Variants in CERS3 observed in about 807,000 individuals in gnomAD.
CERS3 encodes the protein LAG1 homolog, ceramide synthase 3.
Under a neutral mutation model 50.3 loss-of-function variants are expected in CERS3, and 33 were observed. The observed-to-expected ratio is 0.66, with a 90% CI of 0.50 to 0.88. The LOEUF (loss-of-function observed/expected upper bound fraction) is 0.88, where lower values mean the gene tolerates loss of function less well. Among genes scored for constraint, CERS3 ranks in the 40% least tolerant of loss-of-function variants. CERS3 has a pLI of 0.00. For synonymous variants in CERS3, 176 were observed against 155.2 expected (o/e 1.13, Z -0.99); for missense variants, 470 against 460.3 (o/e 1.02, Z -0.19).
At chr15:100,506,490 C>G (rs1350563124) in intron 2 of CERS3, among the ~76,000 whole-genome samples, 1 of 134,586 alleles carries the variant, frequency 7.4e-6, no homozygotes, top group East Asian at 2.3e-4. Context: ...CACACACACA[C>G]CAGACATTGT....
chr15:100,462,465 T>C (rs1253054678), intron 10 of CERS3, among the ~76,000 whole-genome samples: 1 of 152,236 alleles, frequency 6.6e-6, no homozygotes, highest in African/African-American at 2.4e-5. Context: ...CCTTTTAGGA[T>C]AGCAAATACT....
chr15:100,422,770 T>C (rs1328081404), intron 11 of CERS3, among the ~76,000 whole-genome samples: 1 of 133,686 alleles, frequency 7.5e-6, no homozygotes, highest in Non-Finnish European at 1.6e-5. Flanking sequence ...AAATGATGAG[T>C]TCATGTCCTT....
chr15:100,479,420 G>T lies in CERS3; in HGVS notation c.516+8C>A. ...AGTAAGGGGAGGAATATGTTATAGT[G>T]GACTTACCTGTTTGGGATAGCCATT... On this transcript the variant is annotated splice_region_variant and intron_variant, in intron 7 of 11. Transcript: ENST00000679737. 1 of 1,596,112 alleles carries T rather than the reference G, an allele frequency of 6.3e-7. No homozygotes were observed. Among genetic ancestry groups the T allele is most frequent in the Non-Finnish European group, 8.6e-7 (1 of 1,169,128 alleles).
chr15:100,492,127 C>A (rs1382062710), intron 3 of CERS3, among the ~76,000 whole-genome samples: 2 of 152,208 alleles, frequency 1.3e-5, no homozygotes, highest in African/African-American at 4.8e-5. Flanking sequence ...AATATGTAAT[C>A]ATGCTGGAGA....
chr15:100,421,674 C>T (rs1182280254), intron 11 of CERS3, among the ~76,000 whole-genome samples: 1 of 150,402 alleles, frequency 6.6e-6, no homozygotes, highest in African/African-American at 2.5e-5. Flanking sequence ...TGCTACCTGA[C>T]TTCAAACTAT....
chr15:100,479,890 GT>G, intron 6 of CERS3, 98 bp downstream of exon 6: 3 of 830,856 alleles, frequency 3.6e-6, no homozygotes, highest in Non-Finnish European at 5.9e-6. Flanking sequence ...TCTAAAACTG[GT>G]TATCTTATTG....
At chr15:100,421,145 C>A (rs543632549) in intron 11 of CERS3, among the ~76,000 whole-genome samples, 2 of 151,948 alleles carry the variant, frequency 1.3e-5, no homozygotes, top group East Asian at 3.9e-4. Context: ...GTCAAATTGA[C>A]CATGTTTGCA....
intron 11 of CERS3, among the ~76,000 whole-genome samples, chr15:100,429,983 T>C (rs1021129345): frequency 2.0e-5 from 3 of 151,922 alleles, no homozygotes; most frequent in Admixed American, 6.6e-5. Flanking sequence ...ATAATTCACT[T>C]GGGCTTCATC....
intron 2 of CERS3, among the ~76,000 whole-genome samples, chr15:100,520,240 C>T (rs1380576974): frequency 6.6e-6 from 1 of 152,172 alleles, no homozygotes; most frequent in Non-Finnish European, 1.5e-5. Flanking sequence ...ACATCAGGCT[C>T]CTAGCAGAGC....
intron 2 of CERS3, among the ~76,000 whole-genome samples, chr15:100,511,074 G>C (rs2142358712): frequency 6.6e-6 from 1 of 152,212 alleles, no homozygotes; most frequent in African/African-American, 2.4e-5. Flanking sequence ...GATCATCTGA[G>C]GTCAGGAGTT....
chr15:100,470,186 T>C (rs373612249), intron 9 of CERS3, among the ~76,000 whole-genome samples: 21 of 151,970 alleles, frequency 1.4e-4, no homozygotes, highest in Admixed American at 4.6e-4. Context: ...CTGGTGGGAA[T>C]AGGGAGTGGG....
intron 6 of CERS3, 29 bp downstream of exon 6, chr15:100,479,960 C>T (rs1204393054): frequency 1.3e-6 from 2 of 1,544,668 alleles, no homozygotes; most frequent in Non-Finnish European, 1.8e-6. Flanking sequence ...AAGACAAATT[C>T]CAATCGAAGA....
At chr15:100,482,679 G>C (rs2587766) in intron 5 of CERS3, among the ~76,000 whole-genome samples, 1 of 151,896 alleles carries the variant, frequency 6.6e-6, no homozygotes, top group Non-Finnish European at 1.5e-5. Context: ...GTCACCATGA[G>C]AGAAAGTCAC....
intron 1 of CERS3, among the ~76,000 whole-genome samples, chr15:100,526,478 C>CTCTGTGTGTGTGTG (rs1555536155): frequency 8.4e-5 from 11 of 131,458 alleles, no homozygotes; most frequent in African/African-American, 2.3e-4. Flanking sequence ...CCTACATAAA[C>CTCTGTGTGTGTGTG]TGTGTGTGTG....
chr15:100,544,186 A>G (rs897289505), intron 1 of CERS3: 2 of 152,370 alleles, frequency 1.3e-5, no homozygotes, highest in Admixed American at 6.5e-5. Context: ...TCAATTTGCA[A>G]CGTAGAAACC....
intron 10 of CERS3, among the ~76,000 whole-genome samples, chr15:100,466,790 TTC>T (rs1567638473): frequency 4.6e-5 from 1 of 21,536 alleles, no homozygotes; most frequent in African/African-American, 1.0e-4. Context: ...CCTTCCTTCC[TTC>T]CTCCCTCCCT....
At chr15:100,402,890 T>C in intron 11 of CERS3, 25 bp from the exon 12 acceptor site, 1 of 1,561,438 alleles carries the variant, frequency 6.4e-7, no homozygotes, top group Non-Finnish European at 8.7e-7. Context: ...GAATTGGCTG[T>C]GAGTGACAAT....
At chr15:100,461,311 A>C (rs577049585) in intron 10 of CERS3, among the ~76,000 whole-genome samples, 1 of 152,244 alleles carries the variant, frequency 6.6e-6, no homozygotes, top group Non-Finnish European at 1.5e-5. Flanking sequence ...CAGCTTTACA[A>C]ACTGTATAGC....
intron 11 of CERS3, among the ~76,000 whole-genome samples, chr15:100,443,273 C>T (rs959988552): frequency 0.011 from 1,632 of 142,714 alleles, 1 homozygote; most frequent in African/African-American, 0.044. Context: ...CCCCGCTCAA[C>T]GCCAATATCC....
Sources: gnomAD v4.1 joint callset for allele counts (sites outside exome capture counted in the v4.1 genomes callset) on GRCh38, gnomAD v4.1.1 for gene constraint, MANE v1.5 for transcripts, NCBI Gene and HGNC (gene_info 2026-07-23, HGNC 2026-07-21) for gene names.